Variants in ARHGEF4 observed in about 807,000 individuals in gnomAD.
ARHGEF4 encodes the protein Rho guanine nucleotide exchange factor 4.
In ARHGEF4, 119 loss-of-function variants were observed where a neutral mutation model predicts 162.0. That is an observed-to-expected ratio of 0.73 (90% confidence interval 0.63 to 0.86). ARHGEF4 has a LOEUF of 0.86. Among genes scored for constraint, ARHGEF4 ranks in the 40% least tolerant of loss-of-function variants. The pLI is 0.00. For missense variants in ARHGEF4, 2,488 were observed against 2,456.0 expected, an observed-to-expected ratio of 1.01 and a Z score of -0.28; for synonymous variants, 1,014 against 979.9, an observed-to-expected ratio of 1.03 and a Z score of -0.65.
chr2:131,011,723 A>T, intron 4 of ARHGEF4: 2 of 1,352,902 alleles, frequency 1.5e-6, no homozygotes, highest in Non-Finnish European at 2.0e-6. Flanking sequence ...CAAGCTTTGG[A>T]TGCTGTGGTA....
At chr2:130,905,080 GACAA>G (rs1448054619) in intron 1 of ARHGEF4, among the ~76,000 whole-genome samples, 6 of 150,542 alleles carry the variant, frequency 4.0e-5, no homozygotes, top group Admixed American at 1.3e-4. Flanking sequence ...CTCTGTCTCA[GACAA>G]ACAAACAAAT....
Position 130,917,344 on chromosome 2 carries a change from C to T in ARHGEF4, c.3398C>T (p.Pro1133Leu), listed in dbSNP as rs1681564569. ...TACGTGGACAGCAGTTCAGGGGACC[C>T]TGAAAGACCCAAGATTCCCAAGGGC... Reference protein sequence around the residue: ...YSYVDSSSGDPERPKIPKGQT... With the variant: ...YSYVDSSSGDLERPKIPKGQT... The change falls in exon 2 of 14, where the codon CCT becomes CTT. Residue 1133 changes from proline to leucine, a missense_variant. Pro to Leu is a moderately conservative substitution (Grantham distance 98). This residue lies in a region of ARHGEF4 where 1,642 missense variants were observed against 1,481.5 expected (regional missense o/e 1.11). Transcript: ENST00000409359. The T allele has an allele frequency of 6.4e-7, 1 of 1,550,466 alleles. No individual in the cohort carries two copies. The highest frequency in any genetic ancestry group is 8.7e-7 in the Non-Finnish European group (1 of 1,147,012).
intron 4 of ARHGEF4, among the ~76,000 whole-genome samples, chr2:130,999,392 G>T (rs1039179269): frequency 1.3e-5 from 2 of 151,984 alleles, no homozygotes; most frequent in African/African-American, 4.8e-5. Context: ...TCCTGACCTT[G>T]TGATCCGCCC....
At chr2:131,045,792 A>C in intron 13 of ARHGEF4, 1 of 1,426,984 alleles carries the variant, frequency 7.0e-7, no homozygotes, top group Non-Finnish European at 9.1e-7. Context: ...CTGAAACATC[A>C]CATGCCTTTG....
chr2:131,005,167 A>T (rs904307898), intron 4 of ARHGEF4, among the ~76,000 whole-genome samples: 21 of 152,198 alleles, frequency 1.4e-4, no homozygotes, highest in African/African-American at 5.1e-4. Context: ...AGAGAGGAAG[A>T]GGATGGGGCT....
In ARHGEF4 at chr2:130,916,080, G is replaced by A; in HGVS notation, c.2134G>A (p.Glu712Lys). Reference protein sequence around the residue: ...GALQRVAQAAELGRVLVPQAA... With the variant: ...GALQRVAQAAKLGRVLVPQAA... ...TCTTCAGCGGGTGGCCCAGGCCGCA[G>A]AGCTTGGGAGAGTGCTGGTCCCCCA... The change falls in exon 2 of 14, where the codon GAG (glutamate) becomes AAG (lysine). Residue 712 changes from glutamate to lysine, a missense_variant. By Grantham distance (56) the Glu-to-Lys change is moderately conservative. Coordinates refer to ENST00000409359, the MANE Select transcript of ARHGEF4 (RefSeq NM_001367493.1). The A allele has an allele frequency of 1.3e-6, 2 of 1,550,308 alleles. No individual in the cohort carries two copies. The highest frequency in any genetic ancestry group is 8.7e-7 in the Non-Finnish European group (1 of 1,146,948).
At chr2:131,042,076 A>G in intron 10 of ARHGEF4, 132 bp downstream of exon 10, 2 of 1,320,738 alleles carry the variant, frequency 1.5e-6, no homozygotes, top group Non-Finnish European at 2.0e-6. Context: ...ACAGATGCTC[A>G]TGGTGTGAAA....
intron 4 of ARHGEF4, among the ~76,000 whole-genome samples, chr2:130,998,107 G>A (rs1034160072): frequency 1.3e-5 from 2 of 152,146 alleles, no homozygotes; most frequent in Non-Finnish European, 2.9e-5. Flanking sequence ...ATAAGCTCTT[G>A]ATGCCCACTT....
chr2:130,873,008 G>A lies in ARHGEF4; in HGVS notation c.39+36016G>A, dbSNP rs541982887. Among the ~76,000 whole-genome samples, 3 of 152,340 alleles carry A rather than the reference G, an allele frequency of 2.0e-5. No individual in the cohort carries two copies. The East Asian group carries it at 5.8e-4, about 29-fold the overall frequency. Reference sequence around the variant, plus strand: ...ACCTTTAGAGGCTGCAAGGCAGCAAGCCTCTGAGTCAGGCAGCCAAGGCAG... The same window carrying A: ...ACCTTTAGAGGCTGCAAGGCAGCAAACCTCTGAGTCAGGCAGCCAAGGCAG... On this transcript the variant is annotated intron_variant, in intron 1 of 13. Coordinates refer to ENST00000409359, the MANE Select transcript of ARHGEF4 (RefSeq NM_001367493.1).
At chr2:131,039,277 T>G in intron 6 of ARHGEF4, 3 of 1,277,256 alleles carry the variant, frequency 2.3e-6, no homozygotes, top group Non-Finnish European at 3.0e-6. Context: ...GTGCAGACAC[T>G]AGGCACCCCT....
chr2:131,028,911 A>G (rs747487991), intron 5 of ARHGEF4, among the ~76,000 whole-genome samples: 11 of 152,212 alleles, frequency 7.2e-5, no homozygotes, highest in African/African-American at 1.2e-4. Context: ...GAAGAGATCA[A>G]TTTTGGAAGA....
At chr2:130,852,759 G>A (rs1681500540) in intron 1 of ARHGEF4, among the ~76,000 whole-genome samples, 1 of 152,216 alleles carries the variant, frequency 6.6e-6, no homozygotes, top group Non-Finnish European at 1.5e-5. Context: ...GTGGAGAGCT[G>A]CAGTGGGGAG....
chr2:130,988,853 T>TGG lies in ARHGEF4; in HGVS notation c.3986-39091_3986-39090insGG, dbSNP rs1686697932. Among the ~76,000 whole-genome samples the TGG allele has an allele frequency of 1.8e-4, 4 of 22,254 alleles. No individual in the cohort carries two copies. The Admixed American group carries it at 2.7e-3, about 15-fold the overall frequency. The allele number at this position is 22,254 out of a possible 152,430, so 14.6% of individuals were successfully genotyped here. On this transcript the variant is annotated intron_variant, in intron 4 of 13. Transcript: ENST00000409359. ...GTATTCTTCTCCACATATATTTGTG[T>TGG]GTGTGTGTGTGTGTGTGTGTATATA...
chr2:130,893,618 C>T (rs772895226), intron 1 of ARHGEF4, among the ~76,000 whole-genome samples: 3 of 152,154 alleles, frequency 2.0e-5, no homozygotes, highest in African/African-American at 7.2e-5. Context: ...GCCTCAGTCA[C>T]GTGGCCGGGC....
rs191435452 is a variant in ARHGEF4, at chr2:131,016,228, G to C, written c.3986-11717G>C. On this transcript the variant is annotated intron_variant, in intron 4 of 13. Transcript: ENST00000409359. The stretch of plus-strand genomic sequence containing the variant: ...GCCTGGTTGGGCCTCCTGTGCCTGT[G>C]GTTTCCCAGCATCATCACGCAACAT... Among the ~76,000 whole-genome samples the C allele has an allele frequency of 8.5e-5, 13 of 152,264 alleles. 1 individual carries two copies. In the East Asian group the frequency reaches 2.5e-3, roughly 29 times the overall value.
chr2:130,997,386 A>G (rs1478152933), intron 4 of ARHGEF4, among the ~76,000 whole-genome samples: 1 of 152,168 alleles, frequency 6.6e-6, no homozygotes, highest in African/African-American at 2.4e-5. Flanking sequence ...TTTTCTTGGT[A>G]GATGATTAGG....
chr2:130,867,926 T>C (rs1682405182), intron 1 of ARHGEF4, among the ~76,000 whole-genome samples: 1 of 150,288 alleles, frequency 6.7e-6, no homozygotes, highest in African/African-American at 2.5e-5. Context: ...TTTTTTTCTT[T>C]TTTTTTTTTC....
intron 4 of ARHGEF4, among the ~76,000 whole-genome samples, chr2:130,958,113 A>G (rs1410184498): frequency 2.0e-5 from 3 of 151,988 alleles, no homozygotes; most frequent in Non-Finnish European, 4.4e-5. Context: ...CACTCTCATC[A>G]GTAACAGACG....
chr2:131,041,689 TAGTG>T lies in ARHGEF4; in HGVS notation c.4896-123_4896-120del, dbSNP rs1690821776. On this transcript the variant is annotated intron_variant, in intron 9 of 13. Coordinates refer to ENST00000409359, the MANE Select transcript of ARHGEF4 (RefSeq NM_001367493.1). ...GAGAAGAGAGGGGCTGTGCATCTGA[TAGTG>T]AGGATGTGGTCAAAGGGCACAGCCC... The T allele has an allele frequency of 9.0e-6, 12 of 1,332,812 alleles. No homozygotes were observed. In the South Asian group the frequency reaches 1.1e-4, roughly 12 times the overall value. The allele number at this position is 1,332,812 out of a possible 1,614,324, so 82.6% of individuals were successfully genotyped here.
Sources: gnomAD v4.1 joint callset for allele counts (sites outside exome capture counted in the v4.1 genomes callset) on GRCh38, gnomAD v4.1.1 for gene constraint, gnomAD v4.1.1 regional missense constraint, MANE v1.5 for transcripts, NCBI Gene and HGNC (gene_info 2026-07-23, HGNC 2026-07-21) for gene names.